The following TBCB variants were observed in gnomAD, a reference collection of about 807,000 sequenced individuals.
TBCB encodes tubulin folding cofactor B.
In TBCB, 18 loss-of-function variants were observed where a neutral mutation model predicts 29.2. That is an observed-to-expected ratio of 0.62 (90% CI 0.43 to 0.91). The LOEUF is 0.91. TBCB is among the 40% of genes least tolerant of loss of function. The pLI is 0.00. For synonymous variants in TBCB, 172 were observed against 137.8 expected (o/e 1.25, Z -1.74); for missense variants, 336 against 337.6 (o/e 1.00, Z 0.04).
chr19:36,121,564 CCGGTACAACGAGGAGGAG>C lies in TBCB; in HGVS notation c.397_414del (p.Tyr133_Arg138del), dbSNP rs1448913946. 1.3e-6 allele frequency: 2 copies of C among 1,560,172 alleles called. No homozygotes were observed. The highest frequency in any genetic ancestry group is 2.7e-5 in the African/African-American group (2 of 73,612). ...CTTTCCTGAAGCGCAGCAAGCTCGG[CCGGTACAACGAGGAGGAG>C]CGGGCTCAGCAGGAGGCCGAGGCCG... On this transcript the variant is annotated inframe_deletion, in exon 4 of 6. Coordinates refer to ENST00000221855, the MANE Select transcript of TBCB (RefSeq NM_001281.3).
At chr19:36,115,859 G>A in intron 1 of TBCB, 182 bp from the exon 2 acceptor site, 1 of 1,089,216 alleles carries the variant, frequency 9.2e-7, no homozygotes, top group Non-Finnish European at 1.3e-6. Flanking sequence ...AGAGATGAGG[G>A]CCGGGTCCAG....
Position 36,116,102 on chromosome 19 carries a change from T to C in TBCB, c.176T>C (p.Val59Ala), listed in dbSNP as rs936821202. The C allele has an allele frequency of 1.2e-6, 2 of 1,613,748 alleles. No individual in the cohort carries two copies. Among genetic ancestry groups the C allele is most frequent in the Non-Finnish European group, 8.5e-7 (1 of 1,179,902 alleles). ...ASCMELELYG[V>A]DDKFYSKLDQ... ...TGCATGGAACTGGAGCTGTATGGAG[T>C]TGACGACAAGTTCTACAGCAAGCTG... is the stretch of plus-strand genomic sequence containing the variant. The change falls in exon 2 of 6, where the codon GTT becomes GCT. Residue 59 changes from valine to alanine, a missense_variant. Val to Ala is a moderately conservative substitution (Grantham distance 64). Coordinates refer to ENST00000221855, the MANE Select transcript of TBCB (RefSeq NM_001281.3).
At chr19:36,115,752 G>GC in intron 1 of TBCB, 78 bp downstream of exon 1, 1 of 1,253,054 alleles carries the variant, frequency 8.0e-7, no homozygotes. Context: ...GCTGGGAGGG[G>GC]CCGGGGAGTG....
chr19:36,115,860 C>T, intron 1 of TBCB, 181 bp from the exon 2 acceptor site: 3 of 1,092,118 alleles, frequency 2.7e-6, no homozygotes, highest in Non-Finnish European at 3.9e-6. Context: ...GAGATGAGGG[C>T]CGGGTCCAGC....
At chr19:36,123,224 A>G (rs1456927856) in intron 4 of TBCB, among the ~76,000 whole-genome samples, 3 of 145,722 alleles carry the variant, frequency 2.1e-5, no homozygotes, top group Admixed American at 6.9e-5. Context: ...CTTTTTGGCT[A>G]TTATGAATAA....
Position 36,121,724 on chromosome 19 carries a change from T to C in TBCB, c.547+6T>C. The C allele has an allele frequency of 5.2e-6, 8 of 1,549,474 alleles. No individual in the cohort carries two copies. The highest frequency in any genetic ancestry group is 7.0e-6 in the Non-Finnish European group (8 of 1,147,586). On this transcript the variant is annotated splice_donor_region_variant and intron_variant, in intron 4 of 5. Coordinates refer to ENST00000221855, the MANE Select transcript of TBCB (RefSeq NM_001281.3). ...GGGCACCGTCATGTATGTAGGTGCG[T>C]GGCTCGCGGGCCCGGTCCCGGGCTC...
chr19:36,118,817 G>A (rs1435995369), intron 2 of TBCB, among the ~76,000 whole-genome samples: 1 of 152,186 alleles, frequency 6.6e-6, no homozygotes, highest in East Asian at 1.9e-4. Flanking sequence ...GCCAAACACT[G>A]TGGAAGCTGG....
intron 2 of TBCB, 159 bp downstream of exon 2, chr19:36,116,343 G>C: frequency 3.0e-6 from 3 of 1,002,894 alleles, no homozygotes; most frequent in Non-Finnish European, 4.3e-6. Flanking sequence ...CATTAGACAG[G>C]GACAGCCTAG....
Position 36,125,660 on chromosome 19 carries a change from T to C in TBCB, c.621-8T>C, listed in dbSNP as rs111579854. ...TCTGACCACACCCACCCCTATCCTT[T>C]CCTGCAGTGTGAATGGGAAACGCTA... On this transcript the variant is annotated splice_polypyrimidine_tract_variant and splice_region_variant and intron_variant, in intron 5 of 5. Transcript: ENST00000221855. The C allele has an allele frequency of 1.2e-3, 1,965 of 1,585,776 alleles. 11 individuals are homozygous for C. The African/African-American group carries it at 0.019, about 15-fold the overall frequency.
rs746524119 is a variant in TBCB at position 36,115,629 on chromosome 19, C to G, written c.69C>G (p.Arg23=). The change falls in exon 1 of 6, where the codon CGC becomes CGG. Residue 23 remains arginine, a synonymous_variant. Transcript: ENST00000221855. ...VFISSSLNTF[R]SEKRYSRSLT... is the part of the protein sequence containing the mutation. ...TCAGCAGCTCCCTCAACACCTTCCG[C>G]TCCGAGAAGCGATACAGCCGCAGCC... The G allele has an allele frequency of 6.8e-6, 11 of 1,608,414 alleles. No homozygotes were observed. In the East Asian group the frequency reaches 2.5e-4, roughly 36 times the overall value.
chr19:36,115,800 C>T, intron 1 of TBCB, 126 bp downstream of exon 1: 2 of 1,135,886 alleles, frequency 1.8e-6, no homozygotes, highest in African/African-American at 1.6e-5. Context: ...GCTGCGGAGG[C>T]TGGGGACCCG....
chr19:36,115,734 AG>A, intron 1 of TBCB, 60 bp downstream of exon 1: 2 of 277,218 alleles, frequency 7.2e-6, no homozygotes, highest in Non-Finnish European at 1.1e-5. Flanking sequence ...GGTTCCCGGA[AG>A]GGGGAGGCTG....
intron 2 of TBCB, among the ~76,000 whole-genome samples, chr19:36,116,915 C>T (rs1973965196): frequency 6.6e-6 from 1 of 152,220 alleles, no homozygotes; most frequent in Admixed American, 6.5e-5. Context: ...GCCACCAAGC[C>T]CAGCCCCTTT....
chr19:36,116,014 T>TCTTCTCACCCTGCCTCCTC, intron 1 of TBCB, 27 bp from the exon 2 acceptor site: 1 of 1,604,958 alleles, frequency 6.2e-7, no homozygotes, highest in Middle Eastern at 1.7e-4. Flanking sequence ...GTGGCCTCCT[T>TCTTCTCACCCTGCCTCCTC]CTTCTCACCC....
chr19:36,125,300 C>A, intron 4 of TBCB, 151 bp from the exon 5 acceptor site: 1 of 805,410 alleles, frequency 1.2e-6, no homozygotes, highest in Non-Finnish European at 2.1e-6. Context: ...TGGAGGTGGT[C>A]CTAGTGGTAG....
At chr19:36,115,899 G>A (rs1478929098) in intron 1 of TBCB, 142 bp from the exon 2 acceptor site, 3 of 1,299,850 alleles carry the variant, frequency 2.3e-6, no homozygotes, top group Non-Finnish European at 3.2e-6. Context: ...GAGGGCGGGG[G>A]CAAGAGGCGA....
rs1337663997 is a variant in TBCB, at chr19:36,115,522, G to A, written c.-39G>A. ...GGCGGCTGCGGAGCGGGTGTGAGGC[G>A]GCTGGACCGCGCTGCAGGCATCCGC... is the stretch of plus-strand genomic sequence containing the variant. On this transcript the variant is annotated 5_prime_UTR_variant, in exon 1 of 6. Transcript: ENST00000221855. 3.3e-6 allele frequency: 5 copies of A among 1,514,676 alleles called. No individual in the cohort carries two copies. The highest frequency in any genetic ancestry group is 4.5e-6 in the Non-Finnish European group (5 of 1,113,348). The allele number at this position is 1,514,676 out of a possible 1,614,324, so 93.8% of individuals were successfully genotyped here. A position where few individuals can be genotyped will look rare whatever the true frequency, so the allele number is the denominator to read the frequency against.
Position 36,125,739 on chromosome 19 carries a change from T to C in TBCB, c.692T>C (p.Val231Ala), listed in dbSNP as rs775766382. 2.5e-6 allele frequency: 4 copies of C among 1,571,148 alleles called. No individual in the cohort carries two copies. The highest frequency in any genetic ancestry group is 3.5e-6 in the Non-Finnish European group (4 of 1,158,844). The change falls in exon 6 of 6, where the codon GTG becomes GCG. Residue 231 changes from valine (V) to alanine (A), a missense_variant. Physicochemically the swap from Val to Ala is moderately conservative, Grantham distance 64 (BLOSUM62 0). Transcript: ENST00000221855. ...TTTGTCAAGCCAGCAGTCGTGACGG[T>C]GGGGGACTTCCCGGAGGAGGACTAC... is the stretch of plus-strand genomic sequence containing the variant. The part of the protein sequence containing the change: ...GAFVKPAVVT[V>A]GDFPEEDYGL...
intron 1 of TBCB, 74 bp from the exon 2 acceptor site, chr19:36,115,962 AGGGAC>A: frequency 6.4e-7 from 1 of 1,556,168 alleles, no homozygotes. Context: ...TTGGAGGAAA[AGGGAC>A]GTGGCGATGG....
Sources: allele counts gnomAD v4.1 joint callset (sites outside exome capture counted in the v4.1 genomes callset), GRCh38; gene constraint gnomAD v4.1.1; transcripts MANE v1.5; gene names NCBI Gene and HGNC (gene_info 2026-07-23, HGNC 2026-07-21).